The following IL18R1 variants were observed in gnomAD, a reference collection of about 807,000 sequenced individuals.
IL18R1 encodes the protein interleukin 18 receptor 1.
In IL18R1, 40 loss-of-function variants were observed where a neutral mutation model predicts 48.5. The observed-to-expected ratio is 0.82, with a 90% CI of 0.64 to 1.07. The LOEUF (loss-of-function observed/expected upper bound fraction) is 1.07, where lower values mean the gene tolerates loss of function less well. Ranked by LOEUF, IL18R1 falls within the 50% of genes least tolerant of loss-of-function variation. The pLI, the probability that IL18R1 is intolerant of heterozygous loss-of-function variation, is 0.00. For missense variants in IL18R1, 596 were observed against 633.7 expected (o/e 0.94, Z 0.64); for synonymous variants, 232 against 225.9 (o/e 1.03, Z -0.24).
At chr2:102,375,710 T>A (rs1251220513) in intron 4 of IL18R1, among the ~76,000 whole-genome samples, 197 bp from the exon 5 acceptor site, 1 of 152,188 alleles carries the variant, frequency 6.6e-6, no homozygotes, top group Non-Finnish European at 1.5e-5. Flanking sequence ...ATAATGATAA[T>A]CATGCCAACA....
intron 8 of IL18R1, among the ~76,000 whole-genome samples, chr2:102,388,524 C>T (rs1680374891): frequency 6.6e-6 from 1 of 152,182 alleles, no homozygotes; most frequent in Non-Finnish European, 1.5e-5. Context: ...GTTGGACCAT[C>T]ACCTGGCCAG....
At chr2:102,365,501 G>A (rs780029816) in intron 2 of IL18R1, among the ~76,000 whole-genome samples, 2 of 152,176 alleles carry the variant, frequency 1.3e-5, no homozygotes, top group African/African-American at 2.4e-5. Flanking sequence ...TCATGGGCTG[G>A]TGTTGAGTTT....
chr2:102,356,839 C>CT (rs1283939699), intron 1 of IL18R1, among the ~76,000 whole-genome samples: 1 of 152,174 alleles, frequency 6.6e-6, no homozygotes. Flanking sequence ...AGATCCACAC[C>CT]TACAGTTTTT....
intron 3 of IL18R1, among the ~76,000 whole-genome samples, 161 bp from the exon 4 acceptor site, chr2:102,371,792 T>A (rs1320723214): frequency 6.6e-6 from 1 of 152,224 alleles, no homozygotes; most frequent in Non-Finnish European, 1.5e-5. Flanking sequence ...TTCTTGCTCT[T>A]CTGAATCAAG....
At chr2:102,387,745 A>G (rs1242359567) in intron 8 of IL18R1, among the ~76,000 whole-genome samples, 1 of 152,216 alleles carries the variant, frequency 6.6e-6, no homozygotes, top group Non-Finnish European at 1.5e-5. Flanking sequence ...AAAGGGAGAG[A>G]GACAGAGACT....
chr2:102,371,467 A>G (rs1553672858), intron 3 of IL18R1, among the ~76,000 whole-genome samples: 2 of 152,202 alleles, frequency 1.3e-5, no homozygotes, highest in Non-Finnish European at 2.9e-5. Context: ...GGTTTATTCA[A>G]CAGTAAAAGA....
At chr2:102,376,861 A>C (rs1679618503) in intron 5 of IL18R1, among the ~76,000 whole-genome samples, 1 of 152,264 alleles carries the variant, frequency 6.6e-6, no homozygotes, top group South Asian at 2.1e-4. Flanking sequence ...ATCACACAGC[A>C]GTGTAGTCCA....
rs548947047 is a variant in IL18R1 at position 102,377,526 on chromosome 2, C to A, written c.625+1463C>A. The stretch of plus-strand genomic sequence containing the variant: ...AGAGACGGGGTTTCACCGTGTTAGC[C>A]AGGATGGTCTCGATCTCCTGACCTC... On this transcript the variant is annotated intron_variant, in intron 5 of 10. Coordinates refer to ENST00000233957, the MANE Select transcript of IL18R1 (RefSeq NM_003855.5). Among the ~76,000 whole-genome samples the A allele has an allele frequency of 4.6e-5, 7 of 152,306 alleles. No homozygotes were observed. The South Asian group carries it at 1.5e-3, about 32-fold the overall frequency.
At chr2:102,380,153 G>A (rs1679834330) in intron 5 of IL18R1, among the ~76,000 whole-genome samples, 1 of 151,316 alleles carries the variant, frequency 6.6e-6, no homozygotes, top group African/African-American at 2.4e-5. Flanking sequence ...TAGCCTCCTA[G>A]GTAGGCTGGC....
intron 1 of IL18R1, among the ~76,000 whole-genome samples, chr2:102,357,323 CT>C (rs1678309773): frequency 6.6e-6 from 1 of 151,928 alleles, no homozygotes; most frequent in Non-Finnish European, 1.5e-5. Flanking sequence ...AACCCCGTCT[CT>C]ACTAAAAATA....
At chr2:102,364,851 G>A (rs1678792772) in intron 2 of IL18R1, among the ~76,000 whole-genome samples, 1 of 152,068 alleles carries the variant, frequency 6.6e-6, no homozygotes, top group African/African-American at 2.4e-5. Flanking sequence ...CAAGGAGAAG[G>A]CTGAGCAAAA....
At position 102,398,758 on chromosome 2, in the gene IL18R1, A is replaced by G. The variant is rs966924069; in HGVS notation, c.*1872A>G. On this transcript the variant is annotated 3_prime_UTR_variant, in exon 11 of 11. Coordinates refer to ENST00000233957, the MANE Select transcript of IL18R1 (RefSeq NM_003855.5). Reference sequence around the variant, plus strand: ...TTTAAAATGCATAAAACACGTTGAAATACATTAATGAACCATTAGTCTAAT... The same window carrying G: ...TTTAAAATGCATAAAACACGTTGAAGTACATTAATGAACCATTAGTCTAAT... 1 of 152,408 alleles carries G rather than the reference A, an allele frequency of 6.6e-6. No individual in the cohort carries two copies. Among genetic ancestry groups the G allele is most frequent in the Non-Finnish European group, 1.5e-5 (1 of 68,046 alleles). The allele number at this position is 152,408 out of a possible 1,614,324, so 9.4% of individuals were successfully genotyped here. A position where few individuals can be genotyped will look rare whatever the true frequency, so the allele number is the denominator to read the frequency against.
intron 9 of IL18R1, among the ~76,000 whole-genome samples, chr2:102,391,388 C>T (rs1266328592): frequency 6.6e-6 from 1 of 152,142 alleles, no homozygotes; most frequent in Non-Finnish European, 1.5e-5. Flanking sequence ...CTCTCTTATA[C>T]CTTAGACACA....
Position 102,396,569 on chromosome 2 carries a change from C to T in IL18R1, c.1309C>T (p.Arg437Ter), listed in dbSNP as rs757788171. The T allele has an allele frequency of 1.3e-5, 21 of 1,608,842 alleles. No homozygotes were observed. Among genetic ancestry groups the T allele is most frequent in the Non-Finnish European group, 1.6e-5 (19 of 1,177,882 alleles). The change falls in exon 11 of 11, where the codon CGA becomes TGA. Residue 437 changes from arginine to a stop codon, truncating the protein, a stop_gained. Coordinates refer to ENST00000233957, the MANE Select transcript of IL18R1 (RefSeq NM_003855.5). LOFTEE classifies it low-confidence loss of function (END_TRUNC). ...AATCCACTCACTGATAGAGAAAAGCCGAAGACTAATCATTGTCCTAAGTAA... is the reference window on the plus strand; with the variant it reads ...AATCCACTCACTGATAGAGAAAAGCTGAAGACTAATCATTGTCCTAAGTAA... ...DEIHSLIEKS[R>*]RLIIVLSKSY...
chr2:102,363,256 G>A (rs966859470), intron 2 of IL18R1, among the ~76,000 whole-genome samples: 6 of 150,370 alleles, frequency 4.0e-5, no homozygotes, highest in Non-Finnish European at 8.9e-5. Flanking sequence ...TTCCATGATT[G>A]AATAGCAAGG....
chr2:102,381,774 T>A (rs1305749394), intron 6 of IL18R1, 92 bp downstream of exon 6: 1 of 805,512 alleles, frequency 1.2e-6, no homozygotes, highest in Non-Finnish European at 2.1e-6. Context: ...TGAATGACAC[T>A]GGATACACAT....
intron 6 of IL18R1, among the ~76,000 whole-genome samples, chr2:102,382,475 AGAAAG>A: frequency 6.6e-6 from 1 of 152,300 alleles, no homozygotes. Context: ...CTTTCAAAAG[AGAAAG>A]GAAAGAAAGA....
At chr2:102,387,809 A>C (rs1220875441) in intron 8 of IL18R1, among the ~76,000 whole-genome samples, 1 of 152,144 alleles carries the variant, frequency 6.6e-6, no homozygotes. Flanking sequence ...AGAGAGGAGA[A>C]AGAGAGATAC....
chr2:102,387,115 A>G, intron 8 of IL18R1, 115 bp downstream of exon 8: 1 of 1,086,392 alleles, frequency 9.2e-7, no homozygotes. Flanking sequence ...TGAGAGGGGA[A>G]ATCAGTCACC....
Sources: allele counts gnomAD v4.1 joint callset (sites outside exome capture counted in the v4.1 genomes callset), GRCh38; gene constraint gnomAD v4.1.1; transcripts MANE v1.5; gene names NCBI Gene and HGNC (gene_info 2026-07-23, HGNC 2026-07-21).